The following OTUD7A variants were observed in gnomAD, a reference collection of about 807,000 sequenced individuals.
OTUD7A encodes OTU deubiquitinase 7A.
In OTUD7A, 12 loss-of-function variants were observed where a neutral mutation model predicts 65.7. That is an observed-to-expected ratio of 0.18 (90% CI 0.12 to 0.30). The LOEUF is 0.30. Among genes scored for constraint, OTUD7A ranks in the 10% least tolerant of loss-of-function variants. The probability of loss-of-function intolerance (pLI) is 1.00; values close to 1 mark genes in which losing one functional copy is unlikely to be tolerated. For missense variants in OTUD7A, 1,148 were observed against 1,304.8 expected, an observed-to-expected ratio of 0.88 and a Z score of 1.85; for synonymous variants, 641 against 586.3, an observed-to-expected ratio of 1.09 and a Z score of -1.35.
chr15:31,844,835 AG>A (rs2140997995), intron 1 of OTUD7A, among the ~76,000 whole-genome samples: 1 of 152,380 alleles, frequency 6.6e-6, no homozygotes, highest in African/African-American at 2.4e-5. Flanking sequence ...ATGCCCTGCC[AG>A]GAACAGTGCA....
intron 8 of OTUD7A, among the ~76,000 whole-genome samples, chr15:31,516,436 C>T (rs4779888): frequency 0.31 from 46,550 of 152,000 alleles, 7,399 homozygotes; most frequent in East Asian, 0.37. Flanking sequence ...GGGGGGCAGC[C>T]TGAAAATCAT....
chr15:31,576,535 C>T (rs1254806135), intron 3 of OTUD7A, among the ~76,000 whole-genome samples: 2 of 152,262 alleles, frequency 1.3e-5, no homozygotes, highest in South Asian at 2.1e-4. Context: ...CCTTCCCAGA[C>T]AAAACAAATG....
intron 1 of OTUD7A, among the ~76,000 whole-genome samples, chr15:31,711,816 G>A (rs1893454213): frequency 6.6e-6 from 1 of 151,062 alleles, no homozygotes; most frequent in East Asian, 1.9e-4. Flanking sequence ...TACATCAACT[G>A]CATTACTTAA....
intron 3 of OTUD7A, among the ~76,000 whole-genome samples, chr15:31,622,533 C>T (rs1327814725): frequency 6.6e-6 from 1 of 152,166 alleles, no homozygotes; most frequent in African/African-American, 2.4e-5. Context: ...ATCACTGATA[C>T]CCTTTCTTCC....
chr15:31,833,325 G>A (rs907905480), intron 1 of OTUD7A, among the ~76,000 whole-genome samples: 2 of 152,212 alleles, frequency 1.3e-5, no homozygotes, highest in Non-Finnish European at 1.5e-5. Context: ...ATTTGCCCAC[G>A]AGGTTTGGCC....
In OTUD7A at chr15:31,527,260, T is replaced by C. The variant is rs1425714816; in HGVS notation, c.701A>G (p.Tyr234Cys). 6.2e-7 allele frequency: 1 copy of C among 1,614,074 alleles called. No homozygotes were observed. Among genetic ancestry groups the C allele is most frequent in the African/African-American group, 1.3e-5 (1 of 74,928 alleles). Reference protein sequence around the residue: ...DRDLVLRKALYTMMRTGAERE... With the variant: ...DRDLVLRKALCTMMRTGAERE... ...CTCAGCTCCCGTCCTCATCATGGTA[T>C]AGAGAGCTTTCCGTAACACCAGGTC... is the stretch of plus-strand genomic sequence containing the variant. The change falls in exon 7 of 13, where the codon TAT (tyrosine) becomes TGT (cysteine). Residue 234 changes from tyrosine to cysteine, a missense_variant. Physicochemically the swap from Tyr to Cys is radical, Grantham distance 194 (BLOSUM62 -2). Coordinates refer to ENST00000307050, the MANE Select transcript of OTUD7A (RefSeq NM_001382637.1).
chr15:31,607,117 G>C (rs1890259940), intron 3 of OTUD7A, among the ~76,000 whole-genome samples: 1 of 152,234 alleles, frequency 6.6e-6, no homozygotes, highest in South Asian at 2.1e-4. Flanking sequence ...CTGAGAACTA[G>C]GAGAGGATTA....
At position 31,511,024 on chromosome 15, in the gene OTUD7A, TATCTATATGTAACATAC is replaced by T. The variant is rs1251319604; in HGVS notation, c.894-7223_894-7207del. Among the ~76,000 whole-genome samples, 28 of 52,974 alleles carry T rather than the reference TATCTATATGTAACATAC, an allele frequency of 5.3e-4. 8 individuals are homozygous for T. Among genetic ancestry groups the T allele is most frequent in the Non-Finnish European group, 6.8e-4 (22 of 32,500 alleles). 34.8% of individuals were successfully genotyped at this position (52,974 alleles called of 152,430 possible). ...TATATCTATATGTAACATACATGTA[TATCTATATGTAACATAC>T]ATGTATATCTATATGTAACATACAT... On this transcript the variant is annotated intron_variant, in intron 8 of 12. Transcript: ENST00000307050.
intron 7 of OTUD7A, 122 bp downstream of exon 7, chr15:31,527,059 C>A: frequency 9.3e-6 from 13 of 1,392,528 alleles, no homozygotes; most frequent in Non-Finnish European, 1.2e-5. Context: ...ATCCCAGGGG[C>A]TGTTTCTGCC....
chr15:31,789,492 A>G (rs1008500650), intron 1 of OTUD7A, among the ~76,000 whole-genome samples: 1 of 152,220 alleles, frequency 6.6e-6, no homozygotes, highest in Non-Finnish European at 1.5e-5. Flanking sequence ...TCACTCCTCC[A>G]CAATTATGTT....
At chr15:31,717,207 T>C (rs1451578001) in intron 1 of OTUD7A, among the ~76,000 whole-genome samples, 1 of 151,660 alleles carries the variant, frequency 6.6e-6, no homozygotes, top group Non-Finnish European at 1.5e-5. Flanking sequence ...TTTGAAAATC[T>C]GAAACAGTTT....
rs187220689 is a variant in OTUD7A, at chr15:31,760,932, T to G, written c.-99-103855A>C. On this transcript the variant is annotated intron_variant, in intron 1 of 12. Transcript: ENST00000307050. ...CAGGTTTTTTTGGGTTTTTTTGTTTTTTTGTTTTTTTAACAAATAATGGTC... is the reference window on the plus strand; with the variant it reads ...CAGGTTTTTTTGGGTTTTTTTGTTTGTTTGTTTTTTTAACAAATAATGGTC... Among the ~76,000 whole-genome samples, 646 of 152,274 alleles carry G rather than the reference T, an allele frequency of 4.2e-3. 3 individuals are homozygous for G. The highest frequency in any genetic ancestry group is 0.014 in the African/African-American group (595 of 41,552).
At chr15:31,736,630 A>C (rs1441380162) in intron 1 of OTUD7A, among the ~76,000 whole-genome samples, 1 of 152,186 alleles carries the variant, frequency 6.6e-6, no homozygotes, top group Non-Finnish European at 1.5e-5. Flanking sequence ...TTCCGTCCCC[A>C]GGGAAGAGTA....
At chr15:31,723,475 G>GC (rs1266213940) in intron 1 of OTUD7A, among the ~76,000 whole-genome samples, 112 of 135,080 alleles carry the variant, frequency 8.3e-4, no homozygotes, top group African/African-American at 3.0e-3. Context: ...AGAAAGAAAC[G>GC]CAAGTCATAC....
intron 4 of OTUD7A, among the ~76,000 whole-genome samples, chr15:31,562,001 C>G (rs1348574532): frequency 6.6e-6 from 1 of 152,152 alleles, no homozygotes; most frequent in Non-Finnish European, 1.5e-5. Flanking sequence ...ACTATATATT[C>G]TTTTTTCATT....
In OTUD7A at chr15:31,484,824, G is replaced by C. The variant is rs914443367; in HGVS notation, c.1372-100C>G. 1 of 1,486,970 alleles carries C rather than the reference G, an allele frequency of 6.7e-7. No homozygotes were observed. The allele number at this position is 1,486,970 out of a possible 1,614,324, so 92.1% of individuals were successfully genotyped here. ...TTGCCCCTGTGTTGCCGAGGCTAGG[G>C]CCCTGGACCTTCACTGTCCCAGTCC... On this transcript the variant is annotated intron_variant, in intron 12 of 12. Transcript: ENST00000307050. This position sits in a 1 kb window ranked among gnomAD's most constrained non-coding sequence, Gnocchi z 4.5.
intron 1 of OTUD7A, among the ~76,000 whole-genome samples, chr15:31,757,159 G>C (rs1002580081): frequency 6.6e-6 from 1 of 152,062 alleles, no homozygotes; most frequent in Non-Finnish European, 1.5e-5. Flanking sequence ...CTAAGGCAGA[G>C]GCAGATCTCA....
chr15:31,780,336 G>A (rs548896879), intron 1 of OTUD7A, among the ~76,000 whole-genome samples: 24 of 152,260 alleles, frequency 1.6e-4, no homozygotes, highest in African/African-American at 5.5e-4. Context: ...TTAAGAAATG[G>A]CTGTCTTTTG....
chr15:31,844,502 A>G (rs181171110), intron 1 of OTUD7A, among the ~76,000 whole-genome samples: 35 of 152,294 alleles, frequency 2.3e-4, no homozygotes, highest in African/African-American at 8.2e-4. Context: ...GTCTCATAAA[A>G]TAAAATAAAA....
Sources: allele counts gnomAD v4.1 joint callset (sites outside exome capture counted in the v4.1 genomes callset), GRCh38; gene constraint gnomAD v4.1.1; non-coding constraint Gnocchi (gnomAD v3.1); transcripts MANE v1.5; gene names NCBI Gene and HGNC (gene_info 2026-07-23, HGNC 2026-07-21).